Variants in TIMD4 observed in about 807,000 individuals in gnomAD.
TIMD4 encodes T-cell immunoglobulin and mucin domain-containing protein 4.
A neutral mutation model predicts 41.2 loss-of-function variants in TIMD4; 31 were observed. That is an observed-to-expected ratio of 0.75 (90% CI 0.57 to 1.01). The LOEUF (loss-of-function observed/expected upper bound fraction) is 1.01. Ranked by LOEUF, TIMD4 falls within the 50% of genes least tolerant of loss-of-function variation. The pLI is 0.00. For missense variants in TIMD4, 479 were observed against 472.5 expected, an observed-to-expected ratio of 1.01 and a Z score of -0.13; for synonymous variants, 204 against 177.1, an observed-to-expected ratio of 1.15 and a Z score of -1.21.
chr5:156,958,909 G>A (rs1319735127), intron 1 of TIMD4, among the ~76,000 whole-genome samples: 1 of 152,166 alleles, frequency 6.6e-6, no homozygotes, highest in Non-Finnish European at 1.5e-5. Flanking sequence ...GCCATTTAAT[G>A]ATGAAAAGGG....
At chr5:156,944,279 G>A (rs1307750938) in intron 5 of TIMD4, among the ~76,000 whole-genome samples, 1 of 152,056 alleles carries the variant, frequency 6.6e-6, no homozygotes, top group Non-Finnish European at 1.5e-5. Context: ...GGGTTTTGTA[G>A]AATATTTAGA....
At chr5:156,925,939 C>T (rs542892451) in intron 6 of TIMD4, among the ~76,000 whole-genome samples, 1 of 152,324 alleles carries the variant, frequency 6.6e-6, no homozygotes. Context: ...CAGTCTCACT[C>T]TGCCACCAGG....
chr5:156,954,328 A>C (rs1359399973), intron 2 of TIMD4, 87 bp downstream of exon 2: 16 of 1,308,714 alleles, frequency 1.2e-5, no homozygotes, highest in Non-Finnish European at 1.6e-5. Flanking sequence ...AAGCAACTCT[A>C]ACCTCTTCAC....
intron 5 of TIMD4, among the ~76,000 whole-genome samples, chr5:156,928,653 T>C (rs1363167644): frequency 2.6e-5 from 4 of 152,192 alleles, no homozygotes; most frequent in Non-Finnish European, 4.4e-5. Context: ...ATAAATGTGG[T>C]AGATTTTGTA....
intron 1 of TIMD4, among the ~76,000 whole-genome samples, chr5:156,958,497 T>A (rs532649678): frequency 1.4e-4 from 21 of 152,204 alleles, no homozygotes; most frequent in Admixed American, 3.9e-4. Context: ...AGAACACTGA[T>A]AATATTGAGT....
chr5:156,950,513 C>T (rs1218522899), intron 3 of TIMD4, among the ~76,000 whole-genome samples: 1 of 152,028 alleles, frequency 6.6e-6, no homozygotes, highest in Non-Finnish European at 1.5e-5. Context: ...TGGAATTTTC[C>T]AAGACTTATT....
intron 6 of TIMD4, among the ~76,000 whole-genome samples, chr5:156,923,704 ATT>A (rs35661024): frequency 2.0e-4 from 28 of 142,448 alleles, no homozygotes; most frequent in Admixed American, 4.2e-4. Context: ...ATGCCTGGCT[ATT>A]TTTTTTTTTT....
At chr5:156,928,297 A>G (rs1759384670) in intron 5 of TIMD4, among the ~76,000 whole-genome samples, 1 of 150,640 alleles carries the variant, frequency 6.6e-6, no homozygotes, top group African/African-American at 2.4e-5. Context: ...ACTCCATCTA[A>G]AAAAAAAAGA....
chr5:156,926,157 G>A (rs879067500), intron 6 of TIMD4, 106 bp downstream of exon 6: 2 of 1,153,834 alleles, frequency 1.7e-6, no homozygotes, highest in Non-Finnish European at 2.5e-6. Flanking sequence ...GCCCACCTTG[G>A]CCTCCCAAAG....
Position 156,920,230 on chromosome 5 carries a change from T to C in TIMD4, c.1052+234A>G, listed in dbSNP as rs113736468. ...ATATCACCTTCTTTCTTTTGCGTGCTATACTTCTATTAATCCCACCTGCCT... is the reference window on the plus strand; with the variant it reads ...ATATCACCTTCTTTCTTTTGCGTGCCATACTTCTATTAATCCCACCTGCCT... On this transcript the variant is annotated intron_variant, in intron 8 of 8. Transcript: ENST00000274532. Among the ~76,000 whole-genome samples the C allele has an allele frequency of 1.1e-3, 173 of 152,382 alleles. 1 individual carries two copies. The highest frequency in any genetic ancestry group is 4.0e-3 in the African/African-American group (166 of 41,598).
chr5:156,956,752 G>A (rs894145002), intron 1 of TIMD4, among the ~76,000 whole-genome samples: 1 of 152,230 alleles, frequency 6.6e-6, no homozygotes, highest in Non-Finnish European at 1.5e-5. Context: ...GCAGGCTGTA[G>A]ATCTCAGATT....
intron 1 of TIMD4, among the ~76,000 whole-genome samples, chr5:156,958,842 C>G (rs1760029692): frequency 6.6e-6 from 1 of 152,068 alleles, no homozygotes; most frequent in Non-Finnish European, 1.5e-5. Flanking sequence ...CCATGGAATT[C>G]TATGTAGATT....
chr5:156,937,801 C>T (rs1020382005), intron 5 of TIMD4, among the ~76,000 whole-genome samples: 10 of 152,036 alleles, frequency 6.6e-5, no homozygotes, highest in Non-Finnish European at 1.3e-4. Context: ...AATAAGAATC[C>T]AATTTTGTCT....
In TIMD4 at chr5:156,927,139, GCTCAA is replaced by G. The variant is rs1759362580; in HGVS notation, c.845-832_845-828del. Among the ~76,000 whole-genome samples, 8 of 152,342 alleles carry G rather than the reference GCTCAA, an allele frequency of 5.3e-5. No homozygotes were observed. In the South Asian group the frequency reaches 1.7e-3, roughly 32 times the overall value. ...GGGCAGGTAGAGGGAGAAGCATTCA[GCTCAA>G]CTTTGTAGTTCATTGAAAGTTTTAT... On this transcript the variant is annotated intron_variant, in intron 5 of 8. Transcript: ENST00000274532.
At position 156,922,166 on chromosome 5, in the gene TIMD4, T is replaced by C; in HGVS notation, c.945A>G (p.Leu315=). Residue 315 remains leucine, a synonymous_variant, in exon 7 of 9, where the codon CTA becomes CTG. Transcript: ENST00000274532. ...CCAAGGAGGGGGCGATGATCATCAG[T>C]AGTTGGGAGATGGGCATTTCATTCT... is the stretch of plus-strand genomic sequence containing the variant. The part of the protein sequence containing the change: ...SMKNEMPISQ[L]LMIIAPSLGF... The C allele has an allele frequency of 6.2e-7, 1 of 1,614,018 alleles. No homozygotes were observed. Among genetic ancestry groups the C allele is most frequent in the Non-Finnish European group, 8.5e-7 (1 of 1,179,964 alleles).
At chr5:156,937,274 A>G (rs1759558191) in intron 5 of TIMD4, among the ~76,000 whole-genome samples, 1 of 152,152 alleles carries the variant, frequency 6.6e-6, no homozygotes, top group African/African-American at 2.4e-5. Flanking sequence ...TTTCCTCTCT[A>G]ATATACTGCT....
intron 1 of TIMD4, among the ~76,000 whole-genome samples, chr5:156,958,170 G>A (rs34424210): frequency 0.035 from 5,307 of 152,134 alleles, 286 homozygotes; most frequent in African/African-American, 0.12. Context: ...TACTTGGGAG[G>A]CTGAGGCAGG....
chr5:156,951,224 GAC>G (rs1041981174), intron 3 of TIMD4, among the ~76,000 whole-genome samples: 9 of 152,168 alleles, frequency 5.9e-5, no homozygotes, highest in African/African-American at 2.2e-4. Context: ...GACATGGAAG[GAC>G]AGGCAGAGGG....
rs1480540696 is a variant in TIMD4 at position 156,944,459 on chromosome 5, A to G, written c.844+3957T>C. 3.6e-5 allele frequency among the ~76,000 whole-genome samples: 5 copies of G among 137,870 alleles called. No individual in the cohort carries two copies. The East Asian group carries it at 1.2e-3, about 34-fold the overall frequency. The allele number at this position is 137,870 out of a possible 152,430, so 90.4% of individuals were successfully genotyped here. On this transcript the variant is annotated intron_variant, in intron 5 of 8. Coordinates refer to ENST00000274532, the MANE Select transcript of TIMD4 (RefSeq NM_138379.3). ...AGTTTAAAATCTCTAAAAGCTGGGT[A>G]TGACTCCTAGCTCTCCCGCTGTTCA...
Sources: allele counts gnomAD v4.1 joint callset (sites outside exome capture counted in the v4.1 genomes callset), GRCh38; gene constraint gnomAD v4.1.1; transcripts MANE v1.5; gene names NCBI Gene and HGNC (gene_info 2026-07-23, HGNC 2026-07-21).